PHLPP1: variants seen among roughly 807,000 people sequenced by gnomAD.
PHLPP1 encodes PH domain and leucine rich repeat protein phosphatase 1.
A neutral mutation model predicts 117.2 loss-of-function variants in PHLPP1; 42 were observed. That is an observed-to-expected ratio of 0.36 (90% confidence interval 0.28 to 0.46). The LOEUF (loss-of-function observed/expected upper bound fraction) is 0.46. Among genes scored for constraint, PHLPP1 ranks in the 20% least tolerant of loss-of-function variants. The probability of loss-of-function intolerance (pLI) is 1.00; values close to 1 mark genes in which losing one functional copy is unlikely to be tolerated. For missense variants in PHLPP1, 2,084 were observed against 2,241.9 expected (o/e 0.93, Z 1.42); for synonymous variants, 1,042 against 970.7 (o/e 1.07, Z -1.37).
At chr18:62,724,322 C>T (rs1373645382) in intron 1 of PHLPP1, among the ~76,000 whole-genome samples, 2 of 152,140 alleles carry the variant, frequency 1.3e-5, no homozygotes, top group Non-Finnish European at 2.9e-5. Flanking sequence ...AATTTGCTGG[C>T]TAGTTAGCTT....
Position 62,895,828 on chromosome 18 carries a change from C to A in PHLPP1, c.2261C>A (p.Ala754Asp), listed in dbSNP as rs1164544623. Residue 754 changes from alanine (A) to aspartate (D), a missense_variant, in exon 6 of 17, where the codon GCT becomes GAT. This residue lies in a region of PHLPP1 where 1,365 missense variants were observed against 1,605.9 expected (regional missense o/e 0.85). Coordinates refer to ENST00000262719, the MANE Select transcript of PHLPP1 (RefSeq NM_194449.4). ...GGAAACTTTCTCCAATCCCTTCCTG[C>A]TGAGTTGGAGAACATGAAGCAGCTT... Reference protein sequence around the residue: ...LDGNFLQSLPAELENMKQLSY... With the variant: ...LDGNFLQSLPDELENMKQLSY... 1.2e-6 allele frequency: 2 copies of A among 1,613,202 alleles called. No homozygotes were observed. The highest frequency in any genetic ancestry group is 1.7e-6 in the Non-Finnish European group (2 of 1,179,288).
intron 1 of PHLPP1, among the ~76,000 whole-genome samples, chr18:62,737,420 G>A (rs547618513): frequency 6.6e-6 from 1 of 152,342 alleles, no homozygotes; most frequent in South Asian, 2.1e-4. Context: ...TAGATTTGTA[G>A]TCTTTGGCAT....
chr18:62,809,945 G>C (rs753353671), intron 1 of PHLPP1, among the ~76,000 whole-genome samples: 2 of 152,168 alleles, frequency 1.3e-5, no homozygotes, highest in Non-Finnish European at 2.9e-5. Flanking sequence ...TTGGTGTTGT[G>C]AGTAGGTTGC....
chr18:62,975,864 CAT>C (rs971021850), intron 16 of PHLPP1, among the ~76,000 whole-genome samples: 9 of 152,196 alleles, frequency 5.9e-5, no homozygotes, highest in Admixed American at 5.2e-4. Context: ...GATCCCATTC[CAT>C]GTTTGCAGCC....
chr18:62,952,172 T>C (rs1218790837), intron 12 of PHLPP1, among the ~76,000 whole-genome samples: 1 of 151,942 alleles, frequency 6.6e-6, no homozygotes, highest in African/African-American at 2.4e-5. Context: ...ATGCCTGTAA[T>C]TCCAACACTT....
At chr18:62,925,346 T>G (rs1381366564) in intron 10 of PHLPP1, among the ~76,000 whole-genome samples, 1 of 152,212 alleles carries the variant, frequency 6.6e-6, no homozygotes, top group Non-Finnish European at 1.5e-5. Flanking sequence ...GTCCCTGCTC[T>G]GGGAGGGCAG....
intron 10 of PHLPP1, among the ~76,000 whole-genome samples, chr18:62,940,546 A>G (rs975471786): frequency 6.6e-6 from 1 of 151,354 alleles, no homozygotes; most frequent in African/African-American, 2.4e-5. Context: ...TTGTATGTTT[A>G]GTAGAAACAG....
intron 1 of PHLPP1, among the ~76,000 whole-genome samples, chr18:62,823,520 G>A (rs540521252): frequency 2.6e-5 from 4 of 151,580 alleles, no homozygotes; most frequent in African/African-American, 7.3e-5. Context: ...AGCTGTGATG[G>A]TGCCACTGCA....
chr18:62,774,102 G>C (rs1912878865), intron 1 of PHLPP1, among the ~76,000 whole-genome samples: 1 of 152,158 alleles, frequency 6.6e-6, no homozygotes, highest in African/African-American at 2.4e-5. Context: ...CATTCAGTCT[G>C]TGTAGCAGCC....
At position 62,979,060 on chromosome 18, in the gene PHLPP1, A is replaced by G; in HGVS notation, c.4783A>G (p.Ile1595Val). 1.2e-6 allele frequency: 2 copies of G among 1,613,780 alleles called. No homozygotes were observed. Among genetic ancestry groups the G allele is most frequent in the Non-Finnish European group, 1.7e-6 (2 of 1,179,762 alleles). Residue 1595 changes from isoleucine (I) to valine (V), a missense_variant, in exon 17 of 17, where the codon ATT (isoleucine) becomes GTT (valine). This residue lies in a region of PHLPP1 where 1,365 missense variants were observed against 1,605.9 expected (regional missense o/e 0.85). Transcript: ENST00000262719. ...GCCAGCAGAGGCCAGTGATGAGGGCATTGTCATCAGCGCCAACGAGGATGA... is the reference window on the plus strand; with the variant it reads ...GCCAGCAGAGGCCAGTGATGAGGGCGTTGTCATCAGCGCCAACGAGGATGA... The part of the protein sequence containing the change: ...QVPAEASDEG[I>V]VISANEDEPG...
chr18:62,859,998 A>G (rs533277179), intron 3 of PHLPP1, among the ~76,000 whole-genome samples: 3 of 152,304 alleles, frequency 2.0e-5, no homozygotes, highest in African/African-American at 4.8e-5. Context: ...TCATGGTGCA[A>G]ACATCAGTGT....
chr18:62,879,609 C>T (rs553677066), intron 4 of PHLPP1, among the ~76,000 whole-genome samples: 115 of 152,204 alleles, frequency 7.6e-4, no homozygotes, highest in African/African-American at 2.1e-3. Flanking sequence ...CAGGGTTCAC[C>T]GTGTTAGTCA....
intron 1 of PHLPP1, among the ~76,000 whole-genome samples, chr18:62,720,701 C>G (rs34148610): frequency 0.048 from 7,261 of 151,762 alleles, 192 homozygotes; most frequent in Middle Eastern, 0.062. Context: ...AGTACAGAGG[C>G]TTTAAATTTT....
rs908174033 is a variant in PHLPP1 at position 62,979,115 on chromosome 18, C to T, written c.4838C>T (p.Ser1613Phe). 7 of 1,613,830 alleles carry T rather than the reference C, an allele frequency of 4.3e-6. No homozygotes were observed. The African/African-American group carries it at 6.7e-5, about 15-fold the overall frequency. ...GGTCTGCCCAGGAAGGCAGACTTCTCTGCCGTTGGGACCATTGGGCGCCGG... is the reference window on the plus strand; with the variant it reads ...GGTCTGCCCAGGAAGGCAGACTTCTTTGCCGTTGGGACCATTGGGCGCCGG... Reference protein sequence around the residue: ...EPGLPRKADFSAVGTIGRRRA... With the variant: ...EPGLPRKADFFAVGTIGRRRA... The change falls in exon 17 of 17, where the codon TCT (serine) becomes TTT (phenylalanine). Residue 1613 changes from serine to phenylalanine, a missense_variant. By Grantham distance (155) the Ser-to-Phe change is radical (BLOSUM62 -2). Transcript: ENST00000262719.
intron 12 of PHLPP1, 90 bp from the exon 13 acceptor site, chr18:62,958,539 C>T (rs1020426179): frequency 7.9e-6 from 10 of 1,267,546 alleles, no homozygotes; most frequent in Non-Finnish European, 1.1e-5. Flanking sequence ...AATGGTCAGA[C>T]TGATTTGCAT....
chr18:62,750,517 C>T (rs953976496), intron 1 of PHLPP1, among the ~76,000 whole-genome samples: 1 of 152,182 alleles, frequency 6.6e-6, no homozygotes, highest in Non-Finnish European at 1.5e-5. Context: ...CAAAACCCCG[C>T]ACTTATATTT....
intron 9 of PHLPP1, among the ~76,000 whole-genome samples, chr18:62,917,031 G>A (rs868226366): frequency 1.9e-4 from 29 of 151,102 alleles, no homozygotes; most frequent in South Asian, 2.1e-4. Context: ...TGGGATTATA[G>A]CCATGAGCCA....
intron 3 of PHLPP1, chr18:62,839,643 G>A (rs1915000891): frequency 6.6e-6 from 1 of 150,796 alleles, no homozygotes; most frequent in Non-Finnish European, 1.5e-5. Flanking sequence ...TGCGAACTGG[G>A]AAGGTGGAGG....
intron 1 of PHLPP1, among the ~76,000 whole-genome samples, chr18:62,773,007 G>C (rs1033149776): frequency 6.6e-6 from 1 of 151,846 alleles, no homozygotes; most frequent in Non-Finnish European, 1.5e-5. Context: ...TTTATGGTAT[G>C]CTGAGGCCCA....
Sources: gnomAD v4.1 joint callset for allele counts (sites outside exome capture counted in the v4.1 genomes callset) on GRCh38, gnomAD v4.1.1 for gene constraint, gnomAD v4.1.1 regional missense constraint, MANE v1.5 for transcripts, NCBI Gene and HGNC (gene_info 2026-07-23, HGNC 2026-07-21) for gene names.